GRIN2A: variants seen among roughly 807,000 people sequenced by gnomAD.
GRIN2A encodes glutamate ionotropic receptor NMDA type subunit 2A.
In GRIN2A, 22 loss-of-function variants were observed where a neutral mutation model predicts 113.4. The ratio of observed to expected loss-of-function variants is 0.19; its 90% CI spans 0.14 to 0.28. The LOEUF (loss-of-function observed/expected upper bound fraction) is 0.28, where lower values mean the gene tolerates loss of function less well. Among genes scored for constraint, GRIN2A ranks in the 10% least tolerant of loss-of-function variants. The pLI, the probability that GRIN2A is intolerant of heterozygous loss-of-function variation, is 1.00. For missense variants in GRIN2A, 1,502 were observed against 1,887.0 expected, an observed-to-expected ratio of 0.80 and a Z score of 3.78; for synonymous variants, 827 against 738.4, an observed-to-expected ratio of 1.12 and a Z score of -1.94.
intron 2 of GRIN2A, among the ~76,000 whole-genome samples, chr16:10,023,005 A>G (rs2033937875): frequency 1.3e-5 from 2 of 152,226 alleles, no homozygotes. Context: ...CTAAAGGAGA[A>G]AATCCTACTA....
intron 3 of GRIN2A, among the ~76,000 whole-genome samples, chr16:9,925,213 A>G (rs1006456703): frequency 1.3e-5 from 2 of 152,202 alleles, no homozygotes; most frequent in Non-Finnish European, 2.9e-5. Flanking sequence ...GCAGAGTGAG[A>G]GCAATTCATA....
intron 7 of GRIN2A, among the ~76,000 whole-genome samples, chr16:9,837,778 A>G (rs554816617): frequency 6.6e-6 from 1 of 152,266 alleles, no homozygotes; most frequent in African/African-American, 2.4e-5. Flanking sequence ...TGGCATAGTG[A>G]GGCTCTCTTA....
chr16:9,865,517 G>A (rs977320542), intron 4 of GRIN2A, among the ~76,000 whole-genome samples: 6 of 152,186 alleles, frequency 3.9e-5, no homozygotes, highest in Admixed American at 3.9e-4. Flanking sequence ...GTTCAACTAT[G>A]ATACTTATGA....
intron 2 of GRIN2A, among the ~76,000 whole-genome samples, chr16:10,060,839 A>T (rs1283232003): frequency 6.6e-6 from 1 of 152,148 alleles, no homozygotes; most frequent in East Asian, 1.9e-4. Flanking sequence ...CATTCATAAC[A>T]CACCCACAAC....
At chr16:9,923,146 T>C (rs376759803) in intron 3 of GRIN2A, among the ~76,000 whole-genome samples, 1 of 152,176 alleles carries the variant, frequency 6.6e-6, no homozygotes, top group African/African-American at 2.4e-5. Flanking sequence ...TTTGAAGCTA[T>C]ACTAGATGCA....
Position 10,156,829 on chromosome 16 carries a change from A to G in GRIN2A, c.414+23169T>C, listed in dbSNP as rs2049708137. On this transcript the variant is annotated intron_variant, in intron 2 of 12. Coordinates refer to ENST00000330684, the MANE Select transcript of GRIN2A (RefSeq NM_001134407.3). The stretch of plus-strand genomic sequence containing the variant: ...TCATTCGATCCTAATAAGAACCCTG[A>G]GAGGTAGATTTCAACTGTGCTTTCC... 3.3e-5 allele frequency among the ~76,000 whole-genome samples: 5 copies of G among 152,206 alleles called. No homozygotes were observed. The South Asian group carries it at 1.0e-3, about 32-fold the overall frequency.
chr16:9,935,996 C>T (rs2044705788), intron 3 of GRIN2A, among the ~76,000 whole-genome samples: 1 of 152,188 alleles, frequency 6.6e-6, no homozygotes, highest in Admixed American at 6.5e-5. Context: ...GCTACCACAC[C>T]CAGCCTGCTG....
chr16:9,953,799 G>A (rs2045238581), intron 2 of GRIN2A, among the ~76,000 whole-genome samples: 1 of 152,270 alleles, frequency 6.6e-6, no homozygotes, highest in Non-Finnish European at 1.5e-5. Flanking sequence ...GAAAGGTACT[G>A]CTGTGTGGTG....
chr16:10,151,456 T>C (rs1369599923), intron 2 of GRIN2A, among the ~76,000 whole-genome samples: 2 of 152,118 alleles, frequency 1.3e-5, no homozygotes, highest in African/African-American at 4.8e-5. Flanking sequence ...GGCATGAAAA[T>C]CAAATGTTCC....
At chr16:9,856,888 A>G (rs1596503677) in intron 4 of GRIN2A, among the ~76,000 whole-genome samples, 1 of 149,282 alleles carries the variant, frequency 6.7e-6, no homozygotes, top group Non-Finnish European at 1.5e-5. Context: ...CTGCTGAACA[A>G]AAAAAAAAGA....
chr16:10,062,248 A>G (rs1175932632), intron 2 of GRIN2A, among the ~76,000 whole-genome samples: 1 of 152,164 alleles, frequency 6.6e-6, no homozygotes, highest in African/African-American at 2.4e-5. Context: ...GATTACAACT[A>G]CTCACCCCTG....
chr16:9,799,964 A>ATATTATTGTTATTATTATTATTAT lies in GRIN2A; in HGVS notation c.2169-1501_2169-1500insATAATAATAATAATAACAATAATA, dbSNP rs1018152206. Among the ~76,000 whole-genome samples, 267 of 149,696 alleles carry ATATTATTGTTATTATTATTATTAT rather than the reference A, an allele frequency of 1.8e-3. 1 individual carries two copies. Among genetic ancestry groups the ATATTATTGTTATTATTATTATTAT allele is most frequent in the African/African-American group, 6.3e-3 (254 of 40,638 alleles). On this transcript the variant is annotated intron_variant, in intron 10 of 12. Transcript: ENST00000330684. ...TCTCCAAGGGCACAACTGTGCCTAA[A>ATATTATTGTTATTATTATTATTAT]TATTATTATTATTATTATTATTATT... is the stretch of plus-strand genomic sequence containing the variant.
intron 2 of GRIN2A, among the ~76,000 whole-genome samples, chr16:10,004,357 C>G (rs1261910750): frequency 1.3e-5 from 2 of 151,890 alleles, no homozygotes; most frequent in African/African-American, 4.8e-5. Context: ...CCACTGCACT[C>G]CAGCCTGGGT....
chr16:9,771,554 C>T (rs1417758507), intron 11 of GRIN2A, among the ~76,000 whole-genome samples: 3 of 150,196 alleles, frequency 2.0e-5, no homozygotes, highest in Non-Finnish European at 3.0e-5. Flanking sequence ...CAGATTACTC[C>T]CCCCCACCCC....
At chr16:10,112,062 A>G (rs2048626400) in intron 2 of GRIN2A, 1 of 614,054 alleles carries the variant, frequency 1.6e-6, no homozygotes, top group Admixed American at 2.3e-5. Flanking sequence ...CAACCTGAAG[A>G]AGAATCGAGA....
chr16:9,865,869 T>A (rs2043152516), intron 4 of GRIN2A, among the ~76,000 whole-genome samples: 1 of 152,242 alleles, frequency 6.6e-6, no homozygotes, highest in Admixed American at 6.5e-5. Context: ...GAAAAGAATA[T>A]TTGGTGACAC....
intron 2 of GRIN2A, among the ~76,000 whole-genome samples, chr16:10,094,273 TGAG>T (rs1336222851): frequency 6.6e-6 from 1 of 152,172 alleles, no homozygotes; most frequent in Non-Finnish European, 1.5e-5. Context: ...AGTGCTGGAC[TGAG>T]GAAAGGTGAG....
At chr16:9,901,413 C>T (rs182764239) in intron 3 of GRIN2A, among the ~76,000 whole-genome samples, 78 of 152,166 alleles carry the variant, frequency 5.1e-4, no homozygotes, top group Non-Finnish European at 1.0e-3. Context: ...CCACTTACAT[C>T]GTTAATATGT....
chr16:9,937,044 T>A (rs1286518527), intron 3 of GRIN2A, among the ~76,000 whole-genome samples: 1 of 152,164 alleles, frequency 6.6e-6, no homozygotes, highest in Non-Finnish European at 1.5e-5. Context: ...ATAAAGATTA[T>A]CACAGCTGTT....
Sources: allele counts gnomAD v4.1 joint callset (sites outside exome capture counted in the v4.1 genomes callset), GRCh38; gene constraint gnomAD v4.1.1; transcripts MANE v1.5; gene names NCBI Gene and HGNC (gene_info 2026-07-23, HGNC 2026-07-21).